Variants in KANK1 observed in about 807,000 individuals in gnomAD.
The protein encoded by KANK1 is KN motif and ankyrin repeat domain-containing protein 1.
KANK1 carries 109 observed loss-of-function variants against 106.2 expected under a neutral mutation model. That is an observed-to-expected ratio of 1.03 (90% confidence interval 0.88 to 1.20). The LOEUF (loss-of-function observed/expected upper bound fraction) is 1.20, where lower values mean the gene tolerates loss of function less well. Among genes scored for constraint, KANK1 ranks in the 50% most tolerant of loss-of-function variants. The pLI is 0.00. For synonymous variants in KANK1, 873 were observed against 652.2 expected (o/e 1.34, Z -5.16); for missense variants, 2,399 against 1,710.7 (o/e 1.40, Z -7.10).
intron 1 of KANK1, among the ~76,000 whole-genome samples, chr9:672,820 G>A (rs886165509): frequency 2.6e-5 from 4 of 152,126 alleles, no homozygotes; most frequent in Admixed American, 6.5e-5. Context: ...TCAGTCTCCC[G>A]AAATAAATAG....
chr9:592,125 G>GAT (rs1825061779), intron 1 of KANK1, among the ~76,000 whole-genome samples: 1 of 151,798 alleles, frequency 6.6e-6, no homozygotes. Flanking sequence ...TGTAGGAAAA[G>GAT]ATGCAAACCT....
At chr9:573,005 T>C (rs1219388954) in intron 1 of KANK1, among the ~76,000 whole-genome samples, 2 of 152,208 alleles carry the variant, frequency 1.3e-5, no homozygotes, top group Non-Finnish European at 2.9e-5. Context: ...TTCTCTTTTC[T>C]TCTGGCATGC....
chr9:506,044 T>C (rs958171784), intron 1 of KANK1, among the ~76,000 whole-genome samples: 3 of 152,208 alleles, frequency 2.0e-5, no homozygotes, highest in African/African-American at 7.2e-5. Flanking sequence ...ATAAATTTAC[T>C]CTTCTAAGGT....
At chr9:532,875 C>G (rs1271067955) in intron 1 of KANK1, among the ~76,000 whole-genome samples, 6 of 152,098 alleles carry the variant, frequency 3.9e-5, no homozygotes. Context: ...GAAAGCAAAG[C>G]TGGCCATTGG....
chr9:661,313 A>G lies in KANK1; in HGVS notation c.-83-15577A>G, dbSNP rs567603040. Among the ~76,000 whole-genome samples the G allele has an allele frequency of 8.5e-4, 126 of 148,294 alleles. 2 individuals are homozygous for G. Among genetic ancestry groups the G allele is most frequent in the African/African-American group, 3.0e-3 (122 of 41,008 alleles). On this transcript the variant is annotated intron_variant, in intron 1 of 11. Coordinates refer to ENST00000382297, the MANE Select transcript of KANK1 (RefSeq NM_015158.5). Reference sequence around the variant, plus strand: ...CAACAGGCCCCAGTGTGTGATGTTCACCGCCCTGTGTCCAAGTGTGCTCAT... The same window carrying G: ...CAACAGGCCCCAGTGTGTGATGTTCGCCGCCCTGTGTCCAAGTGTGCTCAT...
Position 610,344 on chromosome 9 carries a change from T to C in KANK1, c.-83-66546T>C, listed in dbSNP as rs142768576. On this transcript the variant is annotated intron_variant, in intron 1 of 11. Coordinates refer to ENST00000382297, the MANE Select transcript of KANK1 (RefSeq NM_015158.5). ...CAGTCCTGCTCTCCAAAGTGAACCA[T>C]GATGAGACCTTAAGCAAATGTTATA... Among the ~76,000 whole-genome samples the C allele has an allele frequency of 5.5e-3, 837 of 152,200 alleles. 11 individuals carry two copies. The highest frequency in any genetic ancestry group is 0.019 in the African/African-American group (801 of 41,464).
chr9:642,673 T>A (rs1838743424), intron 1 of KANK1, among the ~76,000 whole-genome samples: 1 of 150,796 alleles, frequency 6.6e-6, no homozygotes, highest in Non-Finnish European at 1.5e-5. Context: ...AGAACTTTTG[T>A]GGCAGGTAAC....
chr9:677,215 T>G (rs1331653730), intron 2 of KANK1, among the ~76,000 whole-genome samples: 1 of 152,218 alleles, frequency 6.6e-6, no homozygotes, highest in Non-Finnish European at 1.5e-5. Context: ...TGAAATCAAT[T>G]GAGTAAATTA....
At chr9:672,878 T>C (rs1210470297) in intron 1 of KANK1, among the ~76,000 whole-genome samples, 1 of 152,170 alleles carries the variant, frequency 6.6e-6, no homozygotes, top group Non-Finnish European at 1.5e-5. Context: ...TTTTCCTAAA[T>C]CGTTTCGCAG....
intron 3 of KANK1, among the ~76,000 whole-genome samples, chr9:481,951 G>C (rs1252114590): frequency 6.6e-6 from 1 of 152,172 alleles, no homozygotes; most frequent in Non-Finnish European, 1.5e-5. Flanking sequence ...GCGAGGAGGA[G>C]GGTCATGCTT....
intron 2 of KANK1, among the ~76,000 whole-genome samples, chr9:694,931 C>G (rs1820872136): frequency 6.6e-6 from 1 of 152,148 alleles, no homozygotes; most frequent in African/African-American, 2.4e-5. Flanking sequence ...ATTCATTTTT[C>G]TTCATGCCAT....
chr9:590,323 A>G (rs1443009587), intron 1 of KANK1, among the ~76,000 whole-genome samples: 1 of 140,248 alleles, frequency 7.1e-6, no homozygotes, highest in Non-Finnish European at 1.6e-5. Flanking sequence ...AATCTGTGAA[A>G]TGAGGAGTTG....
chr9:618,326 G>T (rs1832334365), intron 1 of KANK1, among the ~76,000 whole-genome samples: 1 of 152,006 alleles, frequency 6.6e-6, no homozygotes, highest in African/African-American at 2.4e-5. Flanking sequence ...TCCTGCCTCA[G>T]CCTCCCGAGT....
intron 1 of KANK1, among the ~76,000 whole-genome samples, chr9:598,031 G>A (rs1160278047): frequency 6.6e-6 from 1 of 151,728 alleles, no homozygotes; most frequent in Non-Finnish European, 1.5e-5. Context: ...TTCATTTTGA[G>A]TTAATTTTTC....
At chr9:512,158 G>A (rs1033087842) in intron 1 of KANK1, among the ~76,000 whole-genome samples, 1 of 152,104 alleles carries the variant, frequency 6.6e-6, no homozygotes. Flanking sequence ...GGTGGCTCCA[G>A]GTAGTTGAAC....
intron 1 of KANK1, among the ~76,000 whole-genome samples, chr9:552,966 G>A (rs2061370034): frequency 1.3e-5 from 2 of 152,086 alleles, no homozygotes; most frequent in Admixed American, 6.6e-5. Flanking sequence ...GCAACATAGC[G>A]AGACCCCTTC....
At chr9:501,445 T>C (rs1355413848), upstream of KANK1, among the ~76,000 whole-genome samples, 1 of 152,190 alleles carries the variant, frequency 6.6e-6, no homozygotes, top group African/African-American at 2.4e-5. Flanking sequence ...TAGACCATTC[T>C]ATATTTAGAA....
intron 1 of KANK1, among the ~76,000 whole-genome samples, chr9:563,239 T>C (rs1388616166): frequency 6.6e-6 from 1 of 152,142 alleles, no homozygotes; most frequent in African/African-American, 2.4e-5. Flanking sequence ...TAATTTTATG[T>C]GTAGCCCTCC....
chr9:616,434 C>G (rs1338512510), intron 1 of KANK1, among the ~76,000 whole-genome samples: 2 of 152,126 alleles, frequency 1.3e-5, no homozygotes, highest in Admixed American at 6.5e-5. Flanking sequence ...ATTTACGAAA[C>G]CTCTATTTTG....
Sources: gnomAD v4.1 joint callset for allele counts (sites outside exome capture counted in the v4.1 genomes callset) on GRCh38, gnomAD v4.1.1 for gene constraint, MANE v1.5 for transcripts, NCBI Gene and HGNC (gene_info 2026-07-23, HGNC 2026-07-21) for gene names.